The following SNTG2 variants were observed in gnomAD, a reference collection of about 807,000 sequenced individuals.
The protein encoded by SNTG2 is syntrophin gamma 2.
In SNTG2, 74 loss-of-function variants were observed where a neutral mutation model predicts 70.9. The observed-to-expected ratio is 1.04, with a 90% CI of 0.86 to 1.27. The LOEUF (loss-of-function observed/expected upper bound fraction) is 1.27. SNTG2 is among the 50% of genes most tolerant of loss of function. SNTG2 has a pLI of 0.00. For synonymous variants in SNTG2, 278 were observed against 273.8 expected (o/e 1.02, Z -0.15); for missense variants, 717 against 690.7 (o/e 1.04, Z -0.43).
chr2:990,947 T>G (rs1661471325), intron 1 of SNTG2, among the ~76,000 whole-genome samples: 1 of 152,208 alleles, frequency 6.6e-6, no homozygotes, highest in South Asian at 2.1e-4. Flanking sequence ...TATTGTATTA[T>G]TTTTAAAGGG....
intron 9 of SNTG2, among the ~76,000 whole-genome samples, chr2:1,214,656 C>T (rs992917419): frequency 6.6e-6 from 1 of 151,998 alleles, no homozygotes; most frequent in Non-Finnish European, 1.5e-5. Flanking sequence ...TTAGAGTTTT[C>T]TATATATAAG....
rs574916631 is a variant in SNTG2, at chr2:1,006,699, G to A, written c.72+55631G>A. On this transcript the variant is annotated intron_variant, in intron 1 of 16. Coordinates refer to ENST00000308624, the MANE Select transcript of SNTG2 (RefSeq NM_018968.4). ...ACAGTGTTGTTATGGCATTTACATT[G>A]TGGTAGATAGAAGTAATCTGGAGAT... Among the ~76,000 whole-genome samples, 8 of 152,222 alleles carry A rather than the reference G, an allele frequency of 5.3e-5. No homozygotes were observed. In the South Asian group the frequency reaches 1.5e-3, roughly 28 times the overall value.
chr2:966,872 G>T (rs568429824), intron 1 of SNTG2, among the ~76,000 whole-genome samples: 1 of 152,100 alleles, frequency 6.6e-6, no homozygotes, highest in Non-Finnish European at 1.5e-5. Flanking sequence ...GCTTGAACCT[G>T]GGAGGTGGGG....
intron 15 of SNTG2, among the ~76,000 whole-genome samples, chr2:1,308,964 G>A (rs1341099977): frequency 4.6e-5 from 7 of 152,222 alleles, no homozygotes; most frequent in Admixed American, 1.3e-4. Flanking sequence ...AATTTGTGGA[G>A]GGCGGATGCC....
intron 6 of SNTG2, among the ~76,000 whole-genome samples, chr2:1,145,854 C>T (rs1295070585): frequency 1.3e-5 from 2 of 152,144 alleles, no homozygotes; most frequent in Non-Finnish European, 2.9e-5. Flanking sequence ...GAATTACACA[C>T]CACAACCAAG....
At chr2:1,190,083 T>C (rs1672485996) in intron 8 of SNTG2, among the ~76,000 whole-genome samples, 1 of 152,072 alleles carries the variant, frequency 6.6e-6, no homozygotes, top group African/African-American at 2.4e-5. Context: ...CTTAATTAAA[T>C]TAAAAAGCTT....
intron 1 of SNTG2, among the ~76,000 whole-genome samples, chr2:978,404 A>G (rs1291663549): frequency 6.6e-6 from 1 of 152,218 alleles, no homozygotes; most frequent in Non-Finnish European, 1.5e-5. Flanking sequence ...GTCATCTGAT[A>G]TTTTTCAGAG....
intron 6 of SNTG2, among the ~76,000 whole-genome samples, chr2:1,156,636 C>G (rs184194275): frequency 2.0e-4 from 30 of 152,260 alleles, no homozygotes; most frequent in Middle Eastern, 3.4e-3. Flanking sequence ...GAGTTAAGTC[C>G]CTTGTTTCTG....
At chr2:1,124,034 AT>A (rs61663449) in intron 4 of SNTG2, among the ~76,000 whole-genome samples, 1 of 151,322 alleles carries the variant, frequency 6.6e-6, no homozygotes, top group Admixed American at 6.6e-5. Context: ...TGCAGGAAGA[AT>A]TTTTTTTAAG....
chr2:1,132,978 G>T (rs377127224), intron 4 of SNTG2, among the ~76,000 whole-genome samples: 4 of 152,140 alleles, frequency 2.6e-5, no homozygotes, highest in African/African-American at 7.2e-5. Flanking sequence ...AATTAAAGTC[G>T]TACCATATGT....
At chr2:952,866 A>G (rs957744700) in intron 1 of SNTG2, among the ~76,000 whole-genome samples, 20 of 152,188 alleles carry the variant, frequency 1.3e-4, no homozygotes, top group African/African-American at 4.8e-4. Flanking sequence ...GAAAACATGA[A>G]TGTTCTTAGT....
chr2:1,028,524 G>A (rs975754204), intron 1 of SNTG2, among the ~76,000 whole-genome samples: 14 of 152,212 alleles, frequency 9.2e-5, no homozygotes, highest in Admixed American at 9.2e-4. Flanking sequence ...TTTCCCTCTA[G>A]ACGGGAGGCC....
chr2:1,231,011 A>G (rs146702221), intron 9 of SNTG2, among the ~76,000 whole-genome samples: 14 of 145,710 alleles, frequency 9.6e-5, no homozygotes, highest in African/African-American at 3.6e-4. Flanking sequence ...CGAAAGGTGA[A>G]TTACTTAGGA....
At chr2:1,068,537 G>A (rs1663307521) in intron 1 of SNTG2, among the ~76,000 whole-genome samples, 1 of 152,118 alleles carries the variant, frequency 6.6e-6, no homozygotes, top group African/African-American at 2.4e-5. Context: ...GTGATAAAAT[G>A]CTTAAGAAAA....
intron 1 of SNTG2, among the ~76,000 whole-genome samples, chr2:1,039,486 C>A (rs1661311018): frequency 6.6e-6 from 1 of 152,164 alleles, no homozygotes; most frequent in African/African-American, 2.4e-5. Context: ...AGGAGTCATT[C>A]AACAGCATGA....
At chr2:1,102,663 G>T (rs2148224517) in intron 4 of SNTG2, 1 of 152,522 alleles carries the variant, frequency 6.6e-6, no homozygotes, top group South Asian at 2.1e-4. Flanking sequence ...GGGCTGATTT[G>T]CTGGCCAGTG....
intron 1 of SNTG2, among the ~76,000 whole-genome samples, chr2:952,636 GC>G (rs1255417836): frequency 4.0e-5 from 6 of 150,992 alleles, no homozygotes; most frequent in African/African-American, 1.5e-4. Flanking sequence ...ATTTGAAACA[GC>G]CTGTCTGAAT....
At chr2:1,274,525 C>G (rs1475374529) in intron 14 of SNTG2, among the ~76,000 whole-genome samples, 1 of 152,224 alleles carries the variant, frequency 6.6e-6, no homozygotes, top group Non-Finnish European at 1.5e-5. Context: ...TTGAGTTTTT[C>G]TTTCACGGAT....
chr2:1,036,638 T>C (rs1425897503), intron 1 of SNTG2, among the ~76,000 whole-genome samples: 4 of 152,252 alleles, frequency 2.6e-5, no homozygotes, highest in Non-Finnish European at 5.9e-5. Flanking sequence ...TCTTAAGTGG[T>C]ATCACAACAT....
Sources: gnomAD v4.1 joint callset for allele counts (sites outside exome capture counted in the v4.1 genomes callset) on GRCh38, gnomAD v4.1.1 for gene constraint, MANE v1.5 for transcripts, NCBI Gene and HGNC (gene_info 2026-07-23, HGNC 2026-07-21) for gene names.